Variants in TASP1 observed in about 807,000 individuals in gnomAD.
TASP1 encodes the protein threonine aspartase 1.
A neutral mutation model predicts 56.6 loss-of-function variants in TASP1; 16 were observed. The observed-to-expected ratio is 0.28, with a 90% CI of 0.19 to 0.43. The LOEUF is 0.43. TASP1 is among the 20% of genes least tolerant of loss of function. The probability of loss-of-function intolerance (pLI) is 1.00; values close to 1 mark genes in which losing one functional copy is unlikely to be tolerated. For missense variants in TASP1, 393 were observed against 511.6 expected (o/e 0.77, Z 2.24); for synonymous variants, 179 against 184.2 (o/e 0.97, Z 0.23).
At chr20:13,216,714 A>T in the TASP1 span, among the ~76,000 whole-genome samples, 1 of 152,192 alleles carries the variant, frequency 6.6e-6, no homozygotes, top group Non-Finnish European at 1.5e-5. Flanking sequence ...TTTATTTCTC[A>T]ATTACACAAT....
the TASP1 span, among the ~76,000 whole-genome samples, chr20:13,382,812 A>G: frequency 2.0e-5 from 3 of 152,190 alleles, no homozygotes; most frequent in Non-Finnish European, 4.4e-5. Context: ...TTGCTATGCC[A>G]TAATTGTTGA....
intron 11 of TASP1, among the ~76,000 whole-genome samples, chr20:13,454,580 AG>A (rs1428948235): frequency 2.6e-5 from 4 of 152,160 alleles, no homozygotes; most frequent in African/African-American, 9.6e-5. Context: ...GCTCCCCATC[AG>A]GGGGCCCACG....
chr20:13,187,732 C>CAA, the TASP1 span, among the ~76,000 whole-genome samples: 267 of 57,064 alleles, frequency 4.7e-3, no homozygotes, highest in Non-Finnish European at 5.2e-3. Context: ...GACTCCATCT[C>CAA]AAAAAAAAAA....
intron 11 of TASP1, among the ~76,000 whole-genome samples, chr20:13,438,951 A>G (rs969099872): frequency 4.6e-5 from 7 of 152,164 alleles, no homozygotes; most frequent in Non-Finnish European, 8.8e-5. Context: ...CAAAACCACA[A>G]TGAGACACCA....
At chr20:13,176,262 G>A in the TASP1 span, among the ~76,000 whole-genome samples, 1 of 152,116 alleles carries the variant, frequency 6.6e-6, no homozygotes, top group East Asian at 1.9e-4. Context: ...CATTACTGTG[G>A]TTAAGACTTC....
the TASP1 span, among the ~76,000 whole-genome samples, chr20:13,114,268 G>A: frequency 6.6e-6 from 1 of 152,166 alleles, no homozygotes; most frequent in African/African-American, 2.4e-5. Flanking sequence ...AACTAAAATA[G>A]TATTATTTCA....
chr20:13,192,891 G>A, the TASP1 span, among the ~76,000 whole-genome samples: 1 of 152,060 alleles, frequency 6.6e-6, no homozygotes, highest in Non-Finnish European at 1.5e-5. Context: ...AAGTAACAAT[G>A]TATTGGAGTG....
the TASP1 span, among the ~76,000 whole-genome samples, chr20:13,270,132 A>G: frequency 2.0e-5 from 3 of 152,246 alleles, no homozygotes; most frequent in African/African-American, 7.2e-5. Flanking sequence ...TAGAGCTATA[A>G]CTAAAGCCAA....
In TASP1 at chr20:13,446,421, A is replaced by G. The variant is rs1034030685; in HGVS notation, c.986-11267T>C. On this transcript the variant is annotated intron_variant, in intron 11 of 13. Coordinates refer to ENST00000337743, the MANE Select transcript of TASP1 (RefSeq NM_017714.3). ...CTTGACTATCCCATGACAAAAAGTAAATTTTCATTAAATTACTGTTCTTCT... is the reference window on the plus strand; with the variant it reads ...CTTGACTATCCCATGACAAAAAGTAGATTTTCATTAAATTACTGTTCTTCT... 2.5e-4 allele frequency among the ~76,000 whole-genome samples: 38 copies of G among 152,118 alleles called. 1 individual carries two copies. The highest frequency in any genetic ancestry group is 5.6e-4 in the Non-Finnish European group (38 of 68,012).
At chr20:13,403,052 A>G (rs1035713904) in intron 13 of TASP1, among the ~76,000 whole-genome samples, 28 of 152,188 alleles carry the variant, frequency 1.8e-4, no homozygotes, top group Admixed American at 1.4e-3. Context: ...GTAGACCTCT[A>G]TCAGATAGTT....
intron 8 of TASP1, among the ~76,000 whole-genome samples, chr20:13,554,758 A>ACCT: frequency 6.6e-6 from 1 of 152,296 alleles, no homozygotes; most frequent in Middle Eastern, 3.4e-3. Context: ...AAATATGCAT[A>ACCT]CCTTAACTTT....
the TASP1 span, among the ~76,000 whole-genome samples, chr20:13,141,171 T>C: frequency 6.6e-6 from 1 of 152,354 alleles, no homozygotes; most frequent in Non-Finnish European, 1.5e-5. Context: ...CTACTGTTTA[T>C]TTTTGACATG....
At chr20:13,109,730 C>T in the TASP1 span, among the ~76,000 whole-genome samples, 1 of 152,216 alleles carries the variant, frequency 6.6e-6, no homozygotes, top group South Asian at 2.1e-4. Flanking sequence ...CTCATGTCTA[C>T]ACGATTGATG....
the TASP1 span, among the ~76,000 whole-genome samples, chr20:13,210,115 G>C: frequency 1.3e-5 from 2 of 152,096 alleles, no homozygotes; most frequent in African/African-American, 4.8e-5. Context: ...TTTGCATCTA[G>C]TTATTTTTTT....
At chr20:13,346,554 A>G in the TASP1 span, among the ~76,000 whole-genome samples, 1 of 152,204 alleles carries the variant, frequency 6.6e-6, no homozygotes, top group African/African-American at 2.4e-5. Context: ...CCACAGCACT[A>G]TGCTAGCAGC....
chr20:13,555,788 T>A (rs915453135), intron 8 of TASP1, among the ~76,000 whole-genome samples: 1 of 152,180 alleles, frequency 6.6e-6, no homozygotes, highest in African/African-American at 2.4e-5. Flanking sequence ...CTTGTCCAGA[T>A]CCATCAGAGG....
chr20:13,528,746 T>G (rs2045092629), intron 9 of TASP1, among the ~76,000 whole-genome samples: 1 of 152,170 alleles, frequency 6.6e-6, no homozygotes, highest in Non-Finnish European at 1.5e-5. Context: ...AAAGCAAGTT[T>G]CTTAGTGTCA....
chr20:13,401,676 C>A (rs1338193367), intron 13 of TASP1, among the ~76,000 whole-genome samples: 1 of 152,060 alleles, frequency 6.6e-6, no homozygotes, highest in Non-Finnish European at 1.5e-5. Flanking sequence ...ACTGAAAAAA[C>A]AAGAGAAAAT....
chr20:13,128,678 C>CT, the TASP1 span, among the ~76,000 whole-genome samples: 1 of 151,774 alleles, frequency 6.6e-6, no homozygotes, highest in Non-Finnish European at 1.5e-5. Flanking sequence ...GGAGGAGGTT[C>CT]TTTTTTGTTT....
Sources: gnomAD v4.1 joint callset for allele counts (sites outside exome capture counted in the v4.1 genomes callset) on GRCh38, gnomAD v4.1.1 for gene constraint, MANE v1.5 for transcripts, NCBI Gene and HGNC (gene_info 2026-07-23, HGNC 2026-07-21) for gene names.